The following TRAFD1 variants were observed in gnomAD, a reference collection of about 807,000 sequenced individuals.
TRAFD1 encodes TRAF-type zinc finger domain containing 1, also known as TRAF-type zinc finger domain-containing protein 1.
A neutral mutation model predicts 65.3 loss-of-function variants in TRAFD1; 38 were observed. The observed-to-expected ratio is 0.58, with a 90% confidence interval of 0.45 to 0.76. TRAFD1 has a LOEUF of 0.76. TRAFD1 is among the 30% of genes least tolerant of loss of function. The probability of loss-of-function intolerance (pLI) is 0.00; values close to 1 mark genes in which losing one functional copy is unlikely to be tolerated. For synonymous variants in TRAFD1, 223 were observed against 257.2 expected (o/e 0.87, Z 1.27); for missense variants, 631 against 712.6 (o/e 0.89, Z 1.30).
rs1459190083 is a variant in TRAFD1, at chr12:112,141,191, A to G, written c.610A>G (p.Ile204Val). ...CAATAGAACTACCAACCAAAGGAACATTACAGCCCAGGTTTCAATTCAGAA... is the reference window on the plus strand; with the variant it reads ...CAATAGAACTACCAACCAAAGGAACGTTACAGCCCAGGTTTCAATTCAGAA... ...FHNRTTNQRN[I>V]TAQVSIQNNL... The change falls in exon 5 of 12, where the codon ATT becomes GTT. Residue 204 changes from isoleucine to valine, a missense_variant. Coordinates refer to ENST00000412615, the MANE Select transcript of TRAFD1 (RefSeq NM_006700.3). The G allele has an allele frequency of 8.7e-6, 14 of 1,614,172 alleles. No homozygotes were observed. Among genetic ancestry groups the G allele is most frequent in the Non-Finnish European group, 1.2e-5 (14 of 1,180,028 alleles).
intron 6 of TRAFD1, among the ~76,000 whole-genome samples, chr12:112,144,116 A>C (rs1327693831): frequency 6.6e-6 from 1 of 152,074 alleles, no homozygotes; most frequent in Non-Finnish European, 1.5e-5. Flanking sequence ...TTTCTTTGCT[A>C]TGTTGTTTCT....
At chr12:112,136,614 T>G (rs1178368536) in intron 4 of TRAFD1, among the ~76,000 whole-genome samples, 2 of 151,984 alleles carry the variant, frequency 1.3e-5, no homozygotes, top group Non-Finnish European at 2.9e-5. Flanking sequence ...AAACCTTTTT[T>G]AAGAGACACA....
intron 1 of TRAFD1, among the ~76,000 whole-genome samples, chr12:112,127,782 G>A (rs2079547960): frequency 6.6e-6 from 1 of 151,474 alleles, no homozygotes; most frequent in Non-Finnish European, 1.5e-5. Context: ...CACCATGTTA[G>A]GCAGGATGGT....
Position 112,152,364 on chromosome 12 carries a change from C to T in TRAFD1, c.1620-63C>T. On this transcript the variant is annotated intron_variant, in intron 10 of 11. Transcript: ENST00000412615. This position sits in a 1 kb window ranked among gnomAD's most constrained non-coding sequence, Gnocchi z 5.0. Reference sequence around the variant, plus strand: ...AGCATAGGACTGCTTCCTGTTCCCTCTGAGTTTGTTGACCTTTGCTCAGGG... The same window carrying T: ...AGCATAGGACTGCTTCCTGTTCCCTTTGAGTTTGTTGACCTTTGCTCAGGG... 6.3e-7 allele frequency: 1 copy of T among 1,594,872 alleles called. No homozygotes were observed. The highest frequency in any genetic ancestry group is 8.5e-7 in the Non-Finnish European group (1 of 1,171,510).
intron 9 of TRAFD1, 122 bp from the exon 10 acceptor site, chr12:112,151,679 T>G: frequency 1.1e-4 from 106 of 969,260 alleles, no homozygotes; most frequent in Non-Finnish European, 1.4e-4. Flanking sequence ...TTTACAGGCA[T>G]GAGCCACCAC....
At chr12:112,149,398 TCA>T (rs1294056739) in intron 8 of TRAFD1, 2 of 208,596 alleles carry the variant, frequency 9.6e-6, no homozygotes, top group East Asian at 1.3e-4. Flanking sequence ...AGTTGATTGT[TCA>T]CAGTCAGTTA....
At chr12:112,148,374 C>T in intron 8 of TRAFD1, 70 bp downstream of exon 8, 1 of 1,308,530 alleles carries the variant, frequency 7.6e-7, no homozygotes, top group Non-Finnish European at 1.1e-6. Flanking sequence ...GCTGAGAACA[C>T]TTCCTTAGCC....
In TRAFD1 at chr12:112,134,311, G is replaced by GT. The variant is rs1197105787; in HGVS notation, c.48-409dup. On this transcript the variant is annotated intron_variant, in intron 2 of 11. Coordinates refer to ENST00000412615, the MANE Select transcript of TRAFD1 (RefSeq NM_006700.3). ...AGGCGTGAGCCACGGCGCCCGGCCAGTTTTTTTTTTTTTTTTTTATAGCAA... is the reference window on the plus strand; with the variant it reads ...AGGCGTGAGCCACGGCGCCCGGCCAGTTTTTTTTTTTTTTTTTTTATAGCAA... Among the ~76,000 whole-genome samples the GT allele has an allele frequency of 9.7e-3, 1,202 of 124,070 alleles. 4 individuals carry two copies. Among genetic ancestry groups the GT allele is most frequent in the African/African-American group, 0.018 (588 of 33,588 alleles). 81.4% of individuals were successfully genotyped at this position (124,070 alleles called of 152,430 possible).
intron 7 of TRAFD1, among the ~76,000 whole-genome samples, chr12:112,146,180 AAAAG>A (rs1190031479): frequency 6.6e-6 from 1 of 150,798 alleles, no homozygotes; most frequent in Non-Finnish European, 1.5e-5. Flanking sequence ...AATAATAAAA[AAAAG>A]AAGAAGAAGA....
At chr12:112,127,934 C>T (rs1489062665) in intron 1 of TRAFD1, among the ~76,000 whole-genome samples, 1 of 151,190 alleles carries the variant, frequency 6.6e-6, no homozygotes, top group Non-Finnish European at 1.5e-5. Flanking sequence ...AACTCCTGAG[C>T]TCAAGTGATC....
intron 4 of TRAFD1, among the ~76,000 whole-genome samples, chr12:112,138,060 G>A (rs898344163): frequency 6.6e-6 from 1 of 151,958 alleles, no homozygotes; most frequent in Non-Finnish European, 1.5e-5. Context: ...AGGCAATATC[G>A]TGAGACCCCT....
Position 112,137,355 on chromosome 12 carries a change from C to T in TRAFD1, c.237+2289C>T, listed in dbSNP as rs1189536137. Among the ~76,000 whole-genome samples, 2 of 152,230 alleles carry T rather than the reference C, an allele frequency of 1.3e-5. No individual in the cohort carries two copies. Among genetic ancestry groups the T allele is most frequent in the Non-Finnish European group, 1.5e-5 (1 of 68,044 alleles). Reference sequence around the variant, plus strand: ...TCAAGGAACCACGTGACAGTTTGTTCAGTTGAGCACAAGTTCCTTGCAGGA... The same window carrying T: ...TCAAGGAACCACGTGACAGTTTGTTTAGTTGAGCACAAGTTCCTTGCAGGA... On this transcript the variant is annotated intron_variant, in intron 4 of 11. Transcript: ENST00000412615. The surrounding 1 kb of genome is among the most constrained non-coding windows in gnomAD (Gnocchi z 4.2).
rs768404695 is a variant in TRAFD1, at chr12:112,152,095, T to C, written c.1574T>C (p.Ile525Thr). ...RPPQNLYPEN[I>T]VPSFSPGPSG... ...CCTCAAAATCTCTACCCAGAAAACA[T>C]TGTGCCCTCTTTCTCCCCTGGGCCT... is the stretch of plus-strand genomic sequence containing the variant. Residue 525 changes from isoleucine to threonine, a missense_variant, in exon 10 of 12, where the codon ATT (isoleucine) becomes ACT (threonine). Ile to Thr is a moderately conservative substitution (Grantham distance 89, BLOSUM62 -1). Transcript: ENST00000412615. This position sits in a 1 kb window ranked among gnomAD's most constrained non-coding sequence, Gnocchi z 5.0. 3.7e-6 allele frequency: 6 copies of C among 1,613,944 alleles called. No homozygotes were observed. The highest frequency in any genetic ancestry group is 2.2e-5 in the South Asian group (2 of 91,086).
chr12:112,152,320 T>G lies in TRAFD1; in HGVS notation c.1620-107T>G. The G allele has an allele frequency of 1.3e-6, 2 of 1,502,092 alleles. No homozygotes were observed. Among genetic ancestry groups the G allele is most frequent in the East Asian group, 4.5e-5 (2 of 44,082 alleles). The allele number at this position is 1,502,092 out of a possible 1,614,324, so 93.0% of individuals were successfully genotyped here. A position where few individuals can be genotyped will look rare whatever the true frequency, so the allele number is the denominator to read the frequency against. On this transcript the variant is annotated intron_variant, in intron 10 of 11. Transcript: ENST00000412615. This position sits in a 1 kb window ranked among gnomAD's most constrained non-coding sequence, Gnocchi z 5.0. The stretch of plus-strand genomic sequence containing the variant: ...AAAAATTATTTTGTGGCCTATGGGT[T>G]TTTTGGGGTTTGTCTGCTAGCATAG...
intron 4 of TRAFD1, among the ~76,000 whole-genome samples, chr12:112,139,887 A>G (rs1593867523): frequency 6.6e-6 from 1 of 152,162 alleles, no homozygotes; most frequent in Non-Finnish European, 1.5e-5. Context: ...TGTGGTCCCA[A>G]GCAACTCAGG....
intron 1 of TRAFD1, chr12:112,125,838 C>T (rs1488361308): frequency 6.6e-6 from 1 of 152,250 alleles, no homozygotes; most frequent in Non-Finnish European, 1.5e-5. Flanking sequence ...CGACGCCGCC[C>T]CCTTCGCGGC....
chr12:112,152,049 C>G lies in TRAFD1; in HGVS notation c.1528C>G (p.His510Asp). The change falls in exon 10 of 12, where the codon CAC (histidine) becomes GAC (aspartate). Residue 510 changes from histidine to aspartate, a missense_variant. By Grantham distance (81) the His-to-Asp change is moderately conservative (BLOSUM62 -1). Transcript: ENST00000412615. The surrounding 1 kb of genome is among the most constrained non-coding windows in gnomAD (Gnocchi z 5.0). Reference protein sequence around the residue: ...DSQNGAIAPGHVSVIRPPQNL... With the variant: ...DSQNGAIAPGDVSVIRPPQNL... ...CCAGAATGGGGCCATAGCCCCTGGG[C>G]ACGTTTCAGTGATTCGCCCTCCTCA... 1 of 1,614,238 alleles carries G rather than the reference C, an allele frequency of 6.2e-7. No homozygotes were observed. Among genetic ancestry groups the G allele is most frequent in the Non-Finnish European group, 8.5e-7 (1 of 1,180,046 alleles).
chr12:112,152,283 A>G lies in TRAFD1; in HGVS notation c.1619+143A>G. On this transcript the variant is annotated intron_variant, in intron 10 of 11. Transcript: ENST00000412615. The surrounding 1 kb of genome is among the most constrained non-coding windows in gnomAD (Gnocchi z 5.0). ...GAGTATGGATTTTCCCTGTATTGTC[A>G]CCTGACTCCAAAAAAATTATTTTGT... 1 of 1,414,784 alleles carries G rather than the reference A, an allele frequency of 7.1e-7. No individual in the cohort carries two copies. Among genetic ancestry groups the G allele is most frequent in the South Asian group, 1.3e-5 (1 of 76,990 alleles). 87.6% of individuals were successfully genotyped at this position (1,414,784 alleles called of 1,614,324 possible). A position where few individuals can be genotyped will look rare whatever the true frequency, so the allele number is the denominator to read the frequency against.
At chr12:112,126,659 C>CT (rs113787826) in intron 1 of TRAFD1, among the ~76,000 whole-genome samples, 1,611 of 145,436 alleles carry the variant, frequency 0.011, 22 homozygotes, top group African/African-American at 0.035. Context: ...GAGTGAATAT[C>CT]TTTTTTTTTT....
Sources: gnomAD v4.1 joint callset for allele counts (sites outside exome capture counted in the v4.1 genomes callset) on GRCh38, gnomAD v4.1.1 for gene constraint, Gnocchi (gnomAD v3.1) non-coding constraint, MANE v1.5 for transcripts, NCBI Gene and HGNC (gene_info 2026-07-23, HGNC 2026-07-21) for gene names.